Variants in EIF4E1B observed in about 807,000 individuals in gnomAD.
EIF4E1B encodes the protein eukaryotic translation initiation factor 4E type 1B.
EIF4E1B carries 22 observed loss-of-function variants against 31.3 expected under a neutral mutation model. That is an observed-to-expected ratio of 0.70 (90% CI 0.50 to 1.00). The LOEUF is 1.00. Ranked by LOEUF, EIF4E1B falls within the 50% of genes least tolerant of loss-of-function variation. EIF4E1B has a pLI of 0.00. For missense variants in EIF4E1B, 290 were observed against 311.6 expected, an observed-to-expected ratio of 0.93 and a Z score of 0.52; for synonymous variants, 126 against 120.2, an observed-to-expected ratio of 1.05 and a Z score of -0.31.
rs1760535938 is a variant in EIF4E1B at position 176,638,934 on chromosome 5, C to T, written c.-201-3109C>T. Among the ~76,000 whole-genome samples the T allele has an allele frequency of 6.6e-6, 1 of 152,114 alleles. No individual in the cohort carries two copies. The highest frequency in any genetic ancestry group is 1.5e-5 in the Non-Finnish European group (1 of 68,026). ...GGATTACAGGTGCCTGCCACCATGC[C>T]CAACTAGTTTTGTTGCTGTTGTTGT... On this transcript the variant is annotated intron_variant, in intron 1 of 8. Coordinates refer to ENST00000318682, the MANE Select transcript of EIF4E1B (RefSeq NM_001099408.2). The surrounding 1 kb of genome is among the most constrained non-coding windows in gnomAD (Gnocchi z 4.3).
chr5:176,645,377 C>A lies in EIF4E1B; in HGVS notation c.475C>A (p.Leu159Met). 6.5e-7 allele frequency: 1 copy of A among 1,532,782 alleles called. No homozygotes were observed. Among genetic ancestry groups the A allele is most frequent in the Admixed American group, 2.0e-5 (1 of 49,262 alleles). The allele number at this position is 1,532,782 out of a possible 1,614,324, so 94.9% of individuals were successfully genotyped here. A position where few individuals can be genotyped will look rare whatever the true frequency, so the allele number is the denominator to read the frequency against. Residue 159 changes from leucine to methionine, a missense_variant and splice_region_variant, in exon 8 of 9, where the codon CTG becomes ATG. Physicochemically the swap from Leu to Met is conservative, Grantham distance 15. Coordinates refer to ENST00000318682, the MANE Select transcript of EIF4E1B (RefSeq NM_001099408.2). This position sits in a 1 kb window ranked among gnomAD's most constrained non-coding sequence, Gnocchi z 5.4. ...TCACAACCCCCTACTTCGGGTCCAGCTGCTGTGTCTGATCGGGGAGAGCTT... is the reference window on the plus strand; with the variant it reads ...TCACAACCCCCTACTTCGGGTCCAGATGCTGTGTCTGATCGGGGAGAGCTT... ...IELDRLWLETLLCLIGESFEE... is the reference protein window; with the variant it reads ...IELDRLWLETMLCLIGESFEE...
chr5:176,642,766 G>A lies in EIF4E1B; in HGVS notation c.-22G>A. The stretch of plus-strand genomic sequence containing the variant: ...CAGCTGCTTCCCCAGCCCCAGGCCT[G>A]CACGAAGAAGGCACTCACTAAATGC... On this transcript the variant is annotated 5_prime_UTR_variant, in exon 3 of 9. Coordinates refer to ENST00000318682, the MANE Select transcript of EIF4E1B (RefSeq NM_001099408.2). The A allele has an allele frequency of 1.3e-6, 2 of 1,558,588 alleles. No individual in the cohort carries two copies. Among genetic ancestry groups the A allele is most frequent in the South Asian group, 1.2e-5 (1 of 84,312 alleles).
At chr5:176,633,493 T>A (rs1181483224) in intron 1 of EIF4E1B, among the ~76,000 whole-genome samples, 1 of 152,160 alleles carries the variant, frequency 6.6e-6, no homozygotes, top group Non-Finnish European at 1.5e-5. Context: ...TATTTTTTGT[T>A]GAGACAGGGT....
rs939058189 is a variant in EIF4E1B, at chr5:176,644,403, C to T, written c.324C>T (p.Ser108=). ...TATACAGTCACATCCAGCTGGCCAG[C>T]AAGCTCTCCTCTGGCTGTGACTACG... ...WALYSHIQLA[S]KLSSGCDYAL... is the part of the protein sequence containing the mutation. The change falls in exon 6 of 9, where the codon AGC becomes AGT. Residue 108 remains serine (S), a synonymous_variant. Transcript: ENST00000318682. The T allele has an allele frequency of 6.3e-7, 1 of 1,595,970 alleles. No homozygotes were observed. The highest frequency in any genetic ancestry group is 8.5e-7 in the Non-Finnish European group (1 of 1,171,116).
chr5:176,635,318 G>C (rs570285432), intron 1 of EIF4E1B, among the ~76,000 whole-genome samples: 87 of 152,218 alleles, frequency 5.7e-4, no homozygotes, highest in Non-Finnish European at 9.7e-4. Flanking sequence ...GCGATGGATG[G>C]GCAGCAAGTG....
intron 1 of EIF4E1B, among the ~76,000 whole-genome samples, chr5:176,633,213 T>TTTTGTTTG (rs145169960): frequency 1.4e-4 from 21 of 150,082 alleles, no homozygotes; most frequent in African/African-American, 3.2e-4. Flanking sequence ...CCAGTGTTTT[T>TTTTGTTTG]TTTGTTTGTT....
At position 176,631,015 on chromosome 5, in the gene EIF4E1B, G is replaced by C. The variant is rs1448291397; in HGVS notation, c.-251G>C. On this transcript the variant is annotated 5_prime_UTR_variant, in exon 1 of 9. Coordinates refer to ENST00000318682, the MANE Select transcript of EIF4E1B (RefSeq NM_001099408.2). ...TCGTGCGCTCAGTGGTGGAAGACAG[G>C]ACAGAAAATAAACGGATCAACATCC... 6.6e-6 allele frequency: 1 copy of C among 152,436 alleles called. No homozygotes were observed. The highest frequency in any genetic ancestry group is 1.9e-4 in the East Asian group (1 of 5,198). 9.4% of individuals were successfully genotyped at this position (152,436 alleles called of 1,614,324 possible). A position where few individuals can be genotyped will look rare whatever the true frequency, so the allele number is the denominator to read the frequency against.
At chr5:176,639,081 A>G (rs749757413) in intron 1 of EIF4E1B, among the ~76,000 whole-genome samples, 4 of 152,202 alleles carry the variant, frequency 2.6e-5, no homozygotes, top group Admixed American at 6.5e-5. Flanking sequence ...GATTACAGGC[A>G]TGAGCCACCA....
In EIF4E1B at chr5:176,645,059, C is replaced by T. The variant is rs1468244494; in HGVS notation, c.361-71C>T. 2 of 1,378,978 alleles carry T rather than the reference C, an allele frequency of 1.5e-6. No homozygotes were observed. The highest frequency in any genetic ancestry group is 2.0e-6 in the Non-Finnish European group (2 of 1,002,126). The allele number at this position is 1,378,978 out of a possible 1,614,324, so 85.4% of individuals were successfully genotyped here. A position where few individuals can be genotyped will look rare whatever the true frequency, so the allele number is the denominator to read the frequency against. ...GGGCCTCAGCAGAGAGCGGATAAGG[C>T]CGGGATGGTGGGTGGGTCCCCATTT... On this transcript the variant is annotated intron_variant, in intron 6 of 8. Coordinates refer to ENST00000318682, the MANE Select transcript of EIF4E1B (RefSeq NM_001099408.2). The surrounding 1 kb of genome is among the most constrained non-coding windows in gnomAD (Gnocchi z 5.4).
At chr5:176,644,231 G>A (rs1453502175) in intron 5 of EIF4E1B, 145 bp from the exon 6 acceptor site, 9 of 785,830 alleles carry the variant, frequency 1.1e-5, no homozygotes, top group Admixed American at 1.1e-4. Context: ...TTGGATAAAC[G>A]GGAGTGGAAT....
At position 176,643,206 on chromosome 5, in the gene EIF4E1B, G is replaced by A; in HGVS notation, c.140G>A (p.Gly47Glu). Residue 47 changes from glycine to glutamate, a missense_variant, in exon 4 of 9, where the codon GGG (glycine) becomes GAG (glutamate). Gly to Glu is a moderately conservative substitution (Grantham distance 98, BLOSUM62 -2). Transcript: ENST00000318682. ...CCCAGGACTTTGCTGTCTCTGAGAGGGAAGGCCCGGACGGGGGGCCCCATG... is the reference window on the plus strand; with the variant it reads ...CCCAGGACTTTGCTGTCTCTGAGAGAGAAGGCCCGGACGGGGGGCCCCATG... ...NSPRTLLSLR[G>E]KARTGGPMEV... 1 of 1,613,520 alleles carries A rather than the reference G, an allele frequency of 6.2e-7. No homozygotes were observed. Among genetic ancestry groups the A allele is most frequent in the Non-Finnish European group, 8.5e-7 (1 of 1,179,870 alleles).
chr5:176,644,748 G>A (rs1279334880), intron 6 of EIF4E1B: 3 of 499,806 alleles, frequency 6.0e-6, no homozygotes, highest in Admixed American at 3.8e-5. Context: ...CCCATCCCTG[G>A]AGGGCTGACA....
rs780464331 is a variant in EIF4E1B at position 176,645,922 on chromosome 5, C to T, written c.671C>T (p.Ala224Val). ...CCAAAGACCATCATTGGGTACCAGG[C>T]CCATGCAGACACAGCCACCAAGAGC... ...LSPKTIIGYQAHADTATKSNS... is the reference protein window; with the variant it reads ...LSPKTIIGYQVHADTATKSNS... The change falls in exon 9 of 9, where the codon GCC becomes GTC. Residue 224 changes from alanine to valine, a missense_variant. Coordinates refer to ENST00000318682, the MANE Select transcript of EIF4E1B (RefSeq NM_001099408.2). The surrounding 1 kb of genome is among the most constrained non-coding windows in gnomAD (Gnocchi z 5.4). 1.2e-6 allele frequency: 2 copies of T among 1,610,058 alleles called. No individual in the cohort carries two copies. The highest frequency in any genetic ancestry group is 1.7e-6 in the Non-Finnish European group (2 of 1,178,226).
intron 3 of EIF4E1B, 63 bp downstream of exon 3, chr5:176,642,865 C>CTCCCG (rs56115420): frequency 7.7e-6 from 9 of 1,173,010 alleles, no homozygotes; most frequent in East Asian, 4.7e-5. Flanking sequence ...CCCCCCCCCC[C>CTCCCG]GCCCCAGGTG....
intron 1 of EIF4E1B, chr5:176,641,713 C>A (rs866151893): frequency 6.6e-6 from 1 of 152,486 alleles, no homozygotes; most frequent in African/African-American, 2.4e-5. Context: ...CAGATGGTCA[C>A]GAGCCCCCCA....
At chr5:176,644,479 A>G (rs1581187469) in intron 6 of EIF4E1B, 40 bp downstream of exon 6, 1 of 915,182 alleles carries the variant, frequency 1.1e-6, no homozygotes. Flanking sequence ...CAAAGGGACA[A>G]GGGGTTGATC....
At position 176,644,365 on chromosome 5, in the gene EIF4E1B, G is replaced by T. The variant is rs763120290; in HGVS notation, c.297-11G>T. 85 of 1,582,902 alleles carry T rather than the reference G, an allele frequency of 5.4e-5. No homozygotes were observed. The highest frequency in any genetic ancestry group is 3.4e-4 in the Admixed American group (19 of 55,212). ...CTTGACTTTTGGCATGGGGTCGGGGGCTCTGTCCAGGCTATACAGTCACAT... is the reference window on the plus strand; with the variant it reads ...CTTGACTTTTGGCATGGGGTCGGGGTCTCTGTCCAGGCTATACAGTCACAT... On this transcript the variant is annotated splice_polypyrimidine_tract_variant and intron_variant, in intron 5 of 8. Coordinates refer to ENST00000318682, the MANE Select transcript of EIF4E1B (RefSeq NM_001099408.2).
intron 2 of EIF4E1B, among the ~76,000 whole-genome samples, 152 bp from the exon 3 acceptor site, chr5:176,642,558 G>A (rs879926074): frequency 2.6e-5 from 4 of 152,232 alleles, no homozygotes; most frequent in Non-Finnish European, 4.4e-5. Flanking sequence ...ATGTGAGGTT[G>A]GGGATGGTGC....
chr5:176,642,936 C>A, intron 3 of EIF4E1B, 134 bp downstream of exon 3: 1 of 1,392,110 alleles, frequency 7.2e-7, no homozygotes, highest in Non-Finnish European at 9.4e-7. Flanking sequence ...ATGCTGGGTC[C>A]TCCATGGAGT....
Sources: gnomAD v4.1 joint callset for allele counts (sites outside exome capture counted in the v4.1 genomes callset) on GRCh38, gnomAD v4.1.1 for gene constraint, Gnocchi (gnomAD v3.1) non-coding constraint, MANE v1.5 for transcripts, NCBI Gene and HGNC (gene_info 2026-07-23, HGNC 2026-07-21) for gene names.